Variants in RP1L1 observed in about 807,000 individuals in gnomAD.
RP1L1 encodes the protein RP1 like 1, also known as retinitis pigmentosa 1-like 1 protein.
Under a neutral mutation model 15.7 loss-of-function variants are expected in RP1L1, and 27 were observed. The ratio of observed to expected loss-of-function variants is 1.72; its 90% CI spans 1.27 to 2.38. The LOEUF is 2.38. Among genes scored for constraint, RP1L1 ranks in the 30% most tolerant of loss-of-function variants. RP1L1 has a pLI of 0.00. For synonymous variants in RP1L1, 1,813 were observed against 1,276.7 expected (o/e 1.42, Z -8.96); for missense variants, 4,798 against 3,075.9 (o/e 1.56, Z -13.24).
rs770376489 is a variant in RP1L1 at position 10,610,937 on chromosome 8, G to A, written c.3161C>T (p.Ala1054Val). The change falls in exon 4 of 4, where the codon GCC (alanine) becomes GTC (valine). Residue 1054 changes from alanine (A) to valine (V), a missense_variant. Coordinates refer to ENST00000382483, the MANE Select transcript of RP1L1 (RefSeq NM_178857.6). Reference sequence around the variant, plus strand: ...TCTGTCTGCTCCGGCCTCTGCAGGGGCCTCGGAAACTCCCTCTGGAGCTGC... The same window carrying A: ...TCTGTCTGCTCCGGCCTCTGCAGGGACCTCGGAAACTCCCTCTGGAGCTGC... ...QGAAPEGVSE[A>V]PAEAGADREA... 1.4e-5 allele frequency: 22 copies of A among 1,611,372 alleles called. No homozygotes were observed. The highest frequency in any genetic ancestry group is 1.5e-5 in the Non-Finnish European group (18 of 1,179,498).
chr8:10,625,719 G>C (rs1205866077), intron 1 of RP1L1, among the ~76,000 whole-genome samples: 1 of 152,154 alleles, frequency 6.6e-6, no homozygotes, highest in African/African-American at 2.4e-5. Context: ...AGGTGCCCCC[G>C]GCTGTGGACA....
At chr8:10,616,703 A>C in intron 2 of RP1L1, 116 bp from the exon 3 acceptor site, 174 of 1,187,866 alleles carry the variant, frequency 1.5e-4, no homozygotes, top group Middle Eastern at 5.8e-4. Flanking sequence ...TGCACATCTC[A>C]CCCCAGACTC....
At position 10,610,034 on chromosome 8, in the gene RP1L1, T is replaced by A. The variant is rs1458089358; in HGVS notation, c.4064A>T (p.Gln1355Leu). ...EGEGQQEEEAQLEEIEETGGE... is the reference protein window; with the variant it reads ...EGEGQQEEEALLEEIEETGGE... ...TCCTGTTTCTTCAATTTCCTCTAAC[T>A]GCGCCTCTTCTTCTTGCTGTCCTTC... Residue 1355 changes from glutamine to leucine, a missense_variant, in exon 4 of 4, where the codon CAG (glutamine) becomes CTG (leucine). By Grantham distance (113) the Gln-to-Leu change is moderately radical. Transcript: ENST00000382483. The A allele has an allele frequency of 6.8e-6, 10 of 1,475,512 alleles. No individual in the cohort carries two copies. Among genetic ancestry groups the A allele is most frequent in the Non-Finnish European group, 9.1e-6 (10 of 1,098,678 alleles). The allele number at this position is 1,475,512 out of a possible 1,614,324, so 91.4% of individuals were successfully genotyped here.
intron 2 of RP1L1, 62 bp from the exon 3 acceptor site, chr8:10,616,649 C>G (rs1298328881): frequency 2.6e-6 from 4 of 1,540,252 alleles, no homozygotes; most frequent in African/African-American, 1.4e-5. Flanking sequence ...ACCCTGAGGC[C>G]TGGGGGAGGA....
chr8:10,631,320 C>CAA (rs1798241996), intron 1 of RP1L1, among the ~76,000 whole-genome samples: 1 of 84,056 alleles, frequency 1.2e-5, no homozygotes, highest in Non-Finnish European at 2.9e-5. Context: ...CACACGCACA[C>CAA]ACGCACACAC....
chr8:10,636,580 G>A (rs1798333163), intron 1 of RP1L1, among the ~76,000 whole-genome samples: 1 of 152,002 alleles, frequency 6.6e-6, no homozygotes, highest in African/African-American at 2.4e-5. Context: ...CCTTCACAAC[G>A]GCCTCCTCGG....
At chr8:10,636,096 T>A (rs1017916375) in intron 1 of RP1L1, among the ~76,000 whole-genome samples, 1 of 152,242 alleles carries the variant, frequency 6.6e-6, no homozygotes. Context: ...ATGAGTTGCT[T>A]CACCTCTCTG....
At chr8:10,620,790 G>T (rs937583578) in intron 2 of RP1L1, among the ~76,000 whole-genome samples, 3 of 152,222 alleles carry the variant, frequency 2.0e-5, no homozygotes, top group Non-Finnish European at 4.4e-5. Flanking sequence ...GGGATAGGGA[G>T]GAAGTCATCT....
Position 10,607,733 on chromosome 8 carries a change from T to G in RP1L1, c.6365A>C (p.Glu2122Ala). 2 of 1,607,712 alleles carry G rather than the reference T, an allele frequency of 1.2e-6. No individual in the cohort carries two copies. Among genetic ancestry groups the G allele is most frequent in the African/African-American group, 1.4e-5 (1 of 72,374 alleles). Residue 2122 changes from glutamate (E) to alanine (A), a missense_variant, in exon 4 of 4, where the codon GAA becomes GCA. Physicochemically the swap from Glu to Ala is moderately radical, Grantham distance 107. Coordinates refer to ENST00000382483, the MANE Select transcript of RP1L1 (RefSeq NM_178857.6). Reference protein sequence around the residue: ...KAEGIEAPETEGEAQPESEGI... With the variant: ...KAEGIEAPETAGEAQPESEGI... ...TTCTGACTCTGGCTGGGCCTCCCCT[T>G]CAGTCTCTGGGGCCTCTATACCTTC...
intron 1 of RP1L1, 112 bp downstream of exon 1, chr8:10,654,786 C>T (rs1432181941): frequency 1.3e-5 from 2 of 152,844 alleles, no homozygotes; most frequent in African/African-American, 4.8e-5. Flanking sequence ...ACATCCCTCC[C>T]AGGCTCTCAG....
rs758561870 is a variant in RP1L1 at position 10,611,378 on chromosome 8, G to A, written c.2720C>T (p.Ala907Val). The change falls in exon 4 of 4, where the codon GCA becomes GTA. Residue 907 changes from alanine (A) to valine (V), a missense_variant. Transcript: ENST00000382483. ...CTGGCTGGCACTGCTTCTCCTTGAT[G>A]CCCCTGAATTGGGGCCTGGGGACGG... ...PTPSPGPNSG[A>V]SRRSSASQGA... is the part of the protein sequence containing the mutation. The A allele has an allele frequency of 2.4e-5, 38 of 1,608,816 alleles. No individual in the cohort carries two copies. Among genetic ancestry groups the A allele is most frequent in the Non-Finnish European group, 3.0e-5 (35 of 1,178,880 alleles).
chr8:10,620,509 G>C (rs1169899062), intron 2 of RP1L1, among the ~76,000 whole-genome samples: 1 of 152,186 alleles, frequency 6.6e-6, no homozygotes, highest in Admixed American at 6.5e-5. Flanking sequence ...GGGAGGCTGA[G>C]GCAGGAAAAT....
rs767437354 is a variant in RP1L1 at position 10,608,742 on chromosome 8, C to T, written c.5356G>A (p.Glu1786Lys). The T allele has an allele frequency of 1.9e-6, 3 of 1,614,254 alleles. No individual in the cohort carries two copies. The highest frequency in any genetic ancestry group is 1.7e-6 in the Non-Finnish European group (2 of 1,180,046). The change falls in exon 4 of 4, where the codon GAG (glutamate) becomes AAG (lysine). Residue 1786 changes from glutamate (E) to lysine (K), a missense_variant. By Grantham distance (56) the Glu-to-Lys change is moderately conservative. Transcript: ENST00000382483. ...CCCTCCTGCTCAGCTTCCCCCAACT[C>T]ACTGCCCGCACTGGTTTCACTGTTG... The part of the protein sequence containing the change: ...THNSETSAGS[E>K]LGEAEQEGEG...
rs1369291203 is a variant in RP1L1 at position 10,611,767 on chromosome 8, A to C, written c.2331T>G (p.Pro777=). Reference sequence around the variant, plus strand: ...TTGAGCAGGAGTCGGATGTGTGGGGAGGTATGGGGGCCGGCGAGCATGTCC... The same window carrying C: ...TTGAGCAGGAGTCGGATGTGTGGGGCGGTATGGGGGCCGGCGAGCATGTCC... The part of the protein sequence containing the change: ...GSRTCSPAPI[P]PHTSDSCSKS... The change falls in exon 4 of 4, where the codon CCT becomes CCG. Residue 777 remains proline, a synonymous_variant. Transcript: ENST00000382483. 1 of 1,613,372 alleles carries C rather than the reference A, an allele frequency of 6.2e-7. No homozygotes were observed. Among genetic ancestry groups the C allele is most frequent in the African/African-American group, 1.3e-5 (1 of 74,944 alleles).
At chr8:10,634,212 C>T (rs955532144) in intron 1 of RP1L1, among the ~76,000 whole-genome samples, 1 of 152,200 alleles carries the variant, frequency 6.6e-6, no homozygotes, top group African/African-American at 2.4e-5. Context: ...CTGACACCAC[C>T]CGACTTATCC....
chr8:10,627,815 G>A (rs1798181820), intron 1 of RP1L1, among the ~76,000 whole-genome samples: 2 of 152,146 alleles, frequency 1.3e-5, no homozygotes, highest in African/African-American at 2.4e-5. Context: ...TGGCGCCCCA[G>A]GTTCTGGGCA....
intron 1 of RP1L1, among the ~76,000 whole-genome samples, chr8:10,634,080 G>C (rs533462469): frequency 5.5e-4 from 84 of 152,276 alleles, no homozygotes; most frequent in Non-Finnish European, 1.0e-3. Flanking sequence ...AGAGCTCAGA[G>C]GACCAGGCTG....
Position 10,606,521 on chromosome 8 carries a change from A to T in RP1L1, c.*374T>A. The stretch of plus-strand genomic sequence containing the variant: ...AAGTAACAGGAGATCAACAGGGAAA[A>T]GACAGAGAGCAACACTTGCTAGCAG... On this transcript the variant is annotated 3_prime_UTR_variant, in exon 4 of 4. Transcript: ENST00000382483. 4.1e-6 allele frequency: 1 copy of T among 244,046 alleles called. No homozygotes were observed. Among genetic ancestry groups the T allele is most frequent in the Middle Eastern group, 1.6e-3 (1 of 632 alleles). The allele number at this position is 244,046 out of a possible 1,614,324, so 15.1% of individuals were successfully genotyped here. A position where few individuals can be genotyped will look rare whatever the true frequency, so the allele number is the denominator to read the frequency against.
chr8:10,617,403 A>C (rs1422169836), intron 2 of RP1L1, among the ~76,000 whole-genome samples: 1 of 112,590 alleles, frequency 8.9e-6, no homozygotes, highest in East Asian at 2.5e-4. Context: ...CATTAACAAA[A>C]AAAAAAAAAA....
Sources: allele counts gnomAD v4.1 joint callset (sites outside exome capture counted in the v4.1 genomes callset), GRCh38; gene constraint gnomAD v4.1.1; transcripts MANE v1.5; gene names NCBI Gene and HGNC (gene_info 2026-07-23, HGNC 2026-07-21).